Variants in CTXND2 observed in about 807,000 individuals in gnomAD.
CTXND2 encodes the protein cortexin domain containing 2.
intron 1 of CTXND2, among the ~76,000 whole-genome samples, chr1:150,895,595 C>T (rs1471910590): frequency 6.6e-6 from 1 of 152,142 alleles, no homozygotes; most frequent in South Asian, 2.1e-4. Context: ...CCACCTGCCT[C>T]GACCTCCCAA....
intron 1 of CTXND2, among the ~76,000 whole-genome samples, chr1:150,911,896 G>A (rs1174084119): frequency 3.3e-5 from 5 of 152,184 alleles, no homozygotes; most frequent in Non-Finnish European, 5.9e-5. Context: ...AAGTACTCTT[G>A]GAATTTGAAG....
At chr1:150,906,878 T>C (rs1261505238) in intron 1 of CTXND2, among the ~76,000 whole-genome samples, 1 of 152,114 alleles carries the variant, frequency 6.6e-6, no homozygotes, top group Non-Finnish European at 1.5e-5. Context: ...AGCAGCACCA[T>C]TTGAAGGGGT....
At chr1:150,899,312 A>G (rs1668962024) in intron 1 of CTXND2, among the ~76,000 whole-genome samples, 2 of 151,800 alleles carry the variant, frequency 1.3e-5, no homozygotes, top group African/African-American at 4.8e-5. Context: ...TATTATGCCT[A>G]TAGTCCTAGC....
chr1:150,912,232 C>T lies in CTXND2; in HGVS notation c.-73-10C>T. On this transcript the variant is annotated splice_polypyrimidine_tract_variant and intron_variant, in intron 1 of 1. Coordinates refer to ENST00000636087, the Ensembl canonical transcript of CTXND2. ...AAACCGATAAGCCTGTTTTATCCTC[C>T]TTTGTCTAGGAATATGACAAATCTG... 1 of 397,870 alleles carries T rather than the reference C, an allele frequency of 2.5e-6. No individual in the cohort carries two copies. Among genetic ancestry groups the T allele is most frequent in the African/African-American group, 2.1e-5 (1 of 48,722 alleles). The allele number at this position is 397,870 out of a possible 1,614,324, so 24.6% of individuals were successfully genotyped here.
chr1:150,895,246 G>A (rs1015793382), intron 1 of CTXND2, among the ~76,000 whole-genome samples: 1 of 151,864 alleles, frequency 6.6e-6, no homozygotes, highest in South Asian at 2.1e-4. Flanking sequence ...ACTATAGCTA[G>A]ATTGGGGCCA....
intron 1 of CTXND2, among the ~76,000 whole-genome samples, chr1:150,908,704 CCCTGAACT>C (rs1028999988): frequency 3.6e-4 from 55 of 151,954 alleles, no homozygotes; most frequent in Admixed American, 2.0e-4. Context: ...CTCACTATAA[CCCTGAACT>C]CCTGGGCTCA....
At chr1:150,900,437 C>CA (rs1298937645) in intron 1 of CTXND2, among the ~76,000 whole-genome samples, 1 of 152,208 alleles carries the variant, frequency 6.6e-6, no homozygotes, top group African/African-American at 2.4e-5. Context: ...CTGTAACACT[C>CA]ACCGTGAGGG....
In CTXND2 at chr1:150,908,658, C is replaced by T. The variant is rs777693651; in HGVS notation, c.-73-3584C>T. Among the ~76,000 whole-genome samples the T allele has an allele frequency of 3.3e-5, 5 of 151,694 alleles. No individual in the cohort carries two copies. In the South Asian group the frequency reaches 6.3e-4, roughly 19 times the overall value. ...TAACTTTGGTTATCAGGTCTCTCTC[C>T]GTCACCCAGGCTGGAGTACAGTGGT... On this transcript the variant is annotated intron_variant, in intron 1 of 1. Coordinates refer to ENST00000636087, the Ensembl canonical transcript of CTXND2.
chr1:150,910,265 G>A (rs919945503), intron 1 of CTXND2, among the ~76,000 whole-genome samples: 1 of 151,416 alleles, frequency 6.6e-6, no homozygotes, highest in Admixed American at 6.6e-5. Flanking sequence ...GAGTAGCTGG[G>A]ATTACAGGTG....
intron 1 of CTXND2, among the ~76,000 whole-genome samples, chr1:150,907,208 A>G (rs890814990): frequency 6.6e-6 from 1 of 152,248 alleles, no homozygotes; most frequent in Non-Finnish European, 1.5e-5. Flanking sequence ...ATACAATTCA[A>G]CCATTTCAAA....
chr1:150,897,396 C>T (rs1341902763), intron 1 of CTXND2, among the ~76,000 whole-genome samples: 1 of 152,214 alleles, frequency 6.6e-6, no homozygotes, highest in Non-Finnish European at 1.5e-5. Context: ...ACAATATTGG[C>T]TCACTGCAAT....
intron 1 of CTXND2, among the ~76,000 whole-genome samples, chr1:150,897,974 T>C (rs12097963): frequency 0.35 from 53,837 of 152,018 alleles, 9,906 homozygotes; most frequent in South Asian, 0.53. Context: ...ATTAACTCTT[T>C]ACCAAACAAG....
chr1:150,900,665 A>G (rs1046814483), intron 1 of CTXND2, among the ~76,000 whole-genome samples: 10 of 152,138 alleles, frequency 6.6e-5, no homozygotes, highest in Non-Finnish European at 7.3e-5. Context: ...ACCAAAAAAA[A>G]ACCCTGACGA....
chr1:150,890,590 G>A (rs898708060), intron 1 of CTXND2, among the ~76,000 whole-genome samples: 1 of 152,122 alleles, frequency 6.6e-6, no homozygotes, highest in Non-Finnish European at 1.5e-5. Flanking sequence ...TGCAACCTCT[G>A]CCTCCCGGGT....
At chr1:150,909,048 T>C (rs1669201929) in intron 1 of CTXND2, among the ~76,000 whole-genome samples, 1 of 151,766 alleles carries the variant, frequency 6.6e-6, no homozygotes, top group African/African-American at 2.4e-5. Context: ...GAGCCCAGCC[T>C]GGCCAACATG....
intron 1 of CTXND2, among the ~76,000 whole-genome samples, chr1:150,911,713 G>A (rs781239704): frequency 5.3e-5 from 8 of 152,170 alleles, no homozygotes; most frequent in African/African-American, 1.4e-4. Context: ...GATTACAGGC[G>A]TGAGCCACCA....
chr1:150,910,352 A>C (rs779365690), intron 1 of CTXND2, among the ~76,000 whole-genome samples: 1 of 150,084 alleles, frequency 6.7e-6, no homozygotes. Flanking sequence ...CTGGTCTCAA[A>C]CTCCTGACCT....
At chr1:150,903,721 C>A (rs1669084626) in intron 1 of CTXND2, among the ~76,000 whole-genome samples, 1 of 151,734 alleles carries the variant, frequency 6.6e-6, no homozygotes, top group African/African-American at 2.4e-5. Flanking sequence ...TCGCTTGAAC[C>A]TGGGAGGCAG....
chr1:150,888,826 G>T (rs968260388), intron 1 of CTXND2, among the ~76,000 whole-genome samples: 2 of 151,940 alleles, frequency 1.3e-5, no homozygotes, highest in East Asian at 3.9e-4. Context: ...GAGTAGCTGG[G>T]AGGGACTATA....
Sources: allele counts gnomAD v4.1 joint callset (sites outside exome capture counted in the v4.1 genomes callset), GRCh38; gene constraint gnomAD v4.1.1; transcripts MANE v1.5; gene names NCBI Gene and HGNC (gene_info 2026-07-23, HGNC 2026-07-21).